ARFGEF1: variants seen among roughly 807,000 people sequenced by gnomAD.
ARFGEF1 encodes the protein ARF guanine nucleotide exchange factor 1, also known as brefeldin A-inhibited guanine nucleotide-exchange protein 1.
In ARFGEF1, 42 loss-of-function variants were observed where a neutral mutation model predicts 231.0. The observed-to-expected ratio is 0.18, with a 90% CI of 0.14 to 0.24. The LOEUF (loss-of-function observed/expected upper bound fraction) is 0.24, where lower values mean the gene tolerates loss of function less well. Ranked by LOEUF, ARFGEF1 falls within the 10% of genes least tolerant of loss-of-function variation. The pLI is 1.00. For synonymous variants in ARFGEF1, 710 were observed against 732.3 expected (o/e 0.97, Z 0.49); for missense variants, 1,345 against 2,192.0 (o/e 0.61, Z 7.72).
intron 1 of ARFGEF1, among the ~76,000 whole-genome samples, chr8:67,333,966 A>G (rs138547195): frequency 0.016 from 2,446 of 152,000 alleles, 70 homozygotes; most frequent in African/African-American, 0.057. Context: ...GCAAAACCCC[A>G]TCTCTACTAA....
At chr8:67,269,160 A>G (rs1440964183) in intron 10 of ARFGEF1, among the ~76,000 whole-genome samples, 2 of 152,134 alleles carry the variant, frequency 1.3e-5, no homozygotes, top group Admixed American at 6.6e-5. Flanking sequence ...CTGTCTTCAC[A>G]TATGTTCTCC....
At chr8:67,194,897 C>G (rs972319073), downstream of ARFGEF1, among the ~76,000 whole-genome samples, 1 of 152,156 alleles carries the variant, frequency 6.6e-6, no homozygotes, top group Non-Finnish European at 1.5e-5. Flanking sequence ...CTCATGCCAA[C>G]TAGTGTTTTC....
Position 67,277,327 on chromosome 8 carries a change from T to C in ARFGEF1, c.1158A>G (p.Pro386=). 1 of 1,613,654 alleles carries C rather than the reference T, an allele frequency of 6.2e-7. No homozygotes were observed. Among genetic ancestry groups the C allele is most frequent in the Non-Finnish European group, 8.5e-7 (1 of 1,179,780 alleles). Residue 386 remains proline (P), a synonymous_variant, in exon 8 of 39, where the codon CCA becomes CCG. Transcript: ENST00000262215. ...CTGACAATCTATCATCAGGTAAGGA[T>C]GGTGTATATGCAACAGAAATTGGTG... ...PGTPISVAYT[P]SLPDDRLSVS...
chr8:67,270,746 T>TG (rs1805049267), intron 10 of ARFGEF1, among the ~76,000 whole-genome samples: 1 of 140,476 alleles, frequency 7.1e-6, no homozygotes, highest in South Asian at 2.2e-4. Context: ...CACATAAAGC[T>TG]GGGCGCAGTG....
chr8:67,259,027 T>C (rs956284767), intron 15 of ARFGEF1, among the ~76,000 whole-genome samples: 2 of 152,162 alleles, frequency 1.3e-5, no homozygotes, highest in Non-Finnish European at 2.9e-5. Flanking sequence ...GGTAATACAA[T>C]GTAAATAGGT....
chr8:67,240,326 T>C (rs766043432), intron 19 of ARFGEF1, 36 bp from the exon 20 acceptor site: 5 of 1,534,392 alleles, frequency 3.3e-6, no homozygotes, highest in Non-Finnish European at 3.5e-6. Context: ...AATTAAAGAT[T>C]ATGATAACAC....
In ARFGEF1 at chr8:67,328,233, C is replaced by T. The variant is rs370320575; in HGVS notation, c.124+14931G>A. ...GCTGAAACTGTTATAATTTTTTTTTCCTTAAATAGCCATGGGTGCTACTAA... is the reference window on the plus strand; with the variant it reads ...GCTGAAACTGTTATAATTTTTTTTTTCTTAAATAGCCATGGGTGCTACTAA... On this transcript the variant is annotated intron_variant, in intron 1 of 38. Coordinates refer to ENST00000262215, the MANE Select transcript of ARFGEF1 (RefSeq NM_006421.5). 3.2e-3 allele frequency among the ~76,000 whole-genome samples: 479 copies of T among 151,672 alleles called. 5 individuals carry two copies. The highest frequency in any genetic ancestry group is 0.011 in the African/African-American group (457 of 41,418).
intron 1 of ARFGEF1, among the ~76,000 whole-genome samples, chr8:67,336,517 C>A (rs186623932): frequency 1.3e-5 from 2 of 152,302 alleles, no homozygotes; most frequent in African/African-American, 2.4e-5. Context: ...CACAGCAGAG[C>A]TATGCTACAT....
intron 1 of ARFGEF1, among the ~76,000 whole-genome samples, chr8:67,326,904 T>C (rs531393386): frequency 3.3e-5 from 5 of 152,350 alleles, no homozygotes; most frequent in Non-Finnish European, 1.5e-5. Context: ...TTCTTTCATT[T>C]TGAGAAATCA....
At chr8:67,177,523 G>A (rs957008396) in intron 5 of ARFGEF1, among the ~76,000 whole-genome samples, 1 of 152,208 alleles carries the variant, frequency 6.6e-6, no homozygotes, top group African/African-American at 2.4e-5. Flanking sequence ...GCAGGGCTAT[G>A]TTTTTTAATA....
At chr8:67,296,304 G>A in intron 5 of ARFGEF1, 127 bp downstream of exon 5, 1 of 881,560 alleles carries the variant, frequency 1.1e-6, no homozygotes, top group African/African-American at 1.7e-5. Flanking sequence ...TCTCCAGTAA[G>A]TGGAAATGTA....
At chr8:67,208,619 G>C (rs113972362) in intron 34 of ARFGEF1, among the ~76,000 whole-genome samples, 2,490 of 120,334 alleles carry the variant, frequency 0.021, 41 homozygotes, top group South Asian at 0.048. Flanking sequence ...GACAGAGTGA[G>C]ACTCCATCTC....
rs570836490 is a variant in ARFGEF1, at chr8:67,197,685, A to G, written c.*1249T>C. ...TTGATTGCACTGATGAAATAATTCA[A>G]AAACTTTATTGACCTATAACCTGAT... On this transcript the variant is annotated 3_prime_UTR_variant, in exon 39 of 39. Transcript: ENST00000262215. 1.0e-6 allele frequency: 1 copy of G among 985,754 alleles called. No individual in the cohort carries two copies. The highest frequency in any genetic ancestry group is 1.2e-6 in the Non-Finnish European group (1 of 829,926). 61.1% of individuals were successfully genotyped at this position (985,754 alleles called of 1,614,324 possible).
At chr8:67,199,487 C>T (rs760035800) in intron 38 of ARFGEF1, 20 of 192,074 alleles carry the variant, frequency 1.0e-4, no homozygotes, top group Admixed American at 3.6e-4. Flanking sequence ...TTCTACCCAA[C>T]ACTGCAATAT....
chr8:67,284,961 G>A (rs1215335844), intron 7 of ARFGEF1, among the ~76,000 whole-genome samples: 2 of 152,008 alleles, frequency 1.3e-5, no homozygotes, highest in Non-Finnish European at 2.9e-5. Flanking sequence ...AAGACTAACA[G>A]AATCACATCA....
chr8:67,296,261 A>G (rs1006157722), intron 5 of ARFGEF1, among the ~76,000 whole-genome samples, 170 bp downstream of exon 5: 1 of 150,452 alleles, frequency 6.6e-6, no homozygotes, highest in African/African-American at 2.5e-5. Context: ...GGTAAACCTT[A>G]AAACAAAACA....
downstream of ARFGEF1, among the ~76,000 whole-genome samples, chr8:67,194,984 TAAAAAGA>T (rs1466230306): frequency 2.0e-5 from 3 of 151,982 alleles, no homozygotes; most frequent in South Asian, 2.1e-4. Flanking sequence ...TTAAAAAAAA[TAAAAAGA>T]AAAAAGAAAG....
At chr8:67,319,483 G>A (rs186462101) in intron 1 of ARFGEF1, among the ~76,000 whole-genome samples, 1 of 147,560 alleles carries the variant, frequency 6.8e-6, no homozygotes, top group African/African-American at 2.5e-5. Flanking sequence ...AAATAGTGTT[G>A]GAATTAGACA....
chr8:67,308,589 G>C (rs1806851777), intron 1 of ARFGEF1, among the ~76,000 whole-genome samples: 1 of 152,120 alleles, frequency 6.6e-6, no homozygotes, highest in Non-Finnish European at 1.5e-5. Flanking sequence ...CCTCTTAGGT[G>C]AAATATTCCA....
Sources: allele counts gnomAD v4.1 joint callset (sites outside exome capture counted in the v4.1 genomes callset), GRCh38; gene constraint gnomAD v4.1.1; transcripts MANE v1.5; gene names NCBI Gene and HGNC (gene_info 2026-07-23, HGNC 2026-07-21).